CASP6: variants seen among roughly 807,000 people sequenced by gnomAD.
CASP6 encodes the protein caspase-6.
In CASP6, 20 loss-of-function variants were observed where a neutral mutation model predicts 31.8. The observed-to-expected ratio is 0.63, with a 90% CI of 0.44 to 0.91. The LOEUF (loss-of-function observed/expected upper bound fraction) is 0.91, where lower values mean the gene tolerates loss of function less well. Ranked by LOEUF, CASP6 falls within the 40% of genes least tolerant of loss-of-function variation. CASP6 has a pLI of 0.00. For missense variants in CASP6, 328 were observed against 361.1 expected, an observed-to-expected ratio of 0.91 and a Z score of 0.74; for synonymous variants, 130 against 127.8, an observed-to-expected ratio of 1.02 and a Z score of -0.12.
At chr4:109,687,555 T>C (rs528964008), downstream of CASP6, 10 of 1,612,856 alleles carry the variant, frequency 6.2e-6, no homozygotes, top group African/African-American at 1.3e-4. Context: ...TCTCTCTGTT[T>C]GCAAATGCAA....
At chr4:109,676,434 G>C in the CASP6 span, among the ~76,000 whole-genome samples, 2 of 152,134 alleles carry the variant, frequency 1.3e-5, no homozygotes, top group Non-Finnish European at 2.9e-5. Context: ...TTGAAATGAG[G>C]AATATCTTAC....
chr4:109,706,107 G>A (rs1423324189), upstream of CASP6, among the ~76,000 whole-genome samples: 1 of 102,486 alleles, frequency 9.8e-6, no homozygotes, highest in African/African-American at 3.8e-5. Context: ...GTATTTTACA[G>A]GCAGGACAAC....
intron 6 of CASP6, 99 bp from the exon 7 acceptor site, chr4:109,689,667 T>C: frequency 1.8e-6 from 2 of 1,096,038 alleles, no homozygotes; most frequent in South Asian, 1.5e-5. Flanking sequence ...TAAAAATCCT[T>C]AGAAGAGTCT....
intron 4 of CASP6, 46 bp downstream of exon 4, chr4:109,696,364 G>C: frequency 1.5e-6 from 2 of 1,344,678 alleles, no homozygotes; most frequent in Non-Finnish European, 2.1e-6. Flanking sequence ...TAAAGGACTC[G>C]GTTTCATTAG....
At chr4:109,692,656 C>T (rs1484958833) in intron 5 of CASP6, 2 of 152,146 alleles carry the variant, frequency 1.3e-5, no homozygotes, top group Non-Finnish European at 2.9e-5. Flanking sequence ...TTTTATGCTC[C>T]TTTTTCAGGC....
chr4:109,673,959 A>T, the CASP6 span: 2 of 832,828 alleles, frequency 2.4e-6, no homozygotes, highest in East Asian at 4.8e-5. Context: ...GTTTTGCAGC[A>T]GTTGTTGCAT....
the CASP6 span, chr4:109,674,078 T>C: frequency 6.9e-7 from 1 of 1,453,580 alleles, no homozygotes; most frequent in Middle Eastern, 2.4e-4. Context: ...ACTGTTGGTA[T>C]GGGCTATTCC....
At chr4:109,667,514 A>G in the CASP6 span, among the ~76,000 whole-genome samples, 772 of 148,026 alleles carry the variant, frequency 5.2e-3, 3 homozygotes, top group African/African-American at 0.018. Flanking sequence ...AATTTAATTG[A>G]TTTTTTCCAA....
chr4:109,698,627 C>T (rs1278627162), intron 1 of CASP6, among the ~76,000 whole-genome samples: 1 of 152,154 alleles, frequency 6.6e-6, no homozygotes, highest in Non-Finnish European at 1.5e-5. Context: ...CAAAATATGC[C>T]TAGAGTAACA....
the CASP6 span, among the ~76,000 whole-genome samples, chr4:109,667,096 C>T: frequency 6.6e-6 from 1 of 151,976 alleles, no homozygotes; most frequent in Non-Finnish European, 1.5e-5. Flanking sequence ...GTAATGCTGG[C>T]CTCATAGAAT....
chr4:109,696,364 GGTTTCATTAGAGGAAGAT>G, intron 4 of CASP6, 28 bp downstream of exon 4: 1 of 1,344,678 alleles, frequency 7.4e-7, no homozygotes, highest in Non-Finnish European at 1.1e-6. Flanking sequence ...TAAAGGACTC[GGTTTCATTAGAGGAAGAT>G]GAACTATATG....
In CASP6 at chr4:109,703,299, C is replaced by T; in HGVS notation, c.40+57G>A. 2.5e-6 allele frequency: 4 copies of T among 1,571,260 alleles called. No homozygotes were observed. The East Asian group carries it at 7.0e-5, about 27-fold the overall frequency. On this transcript the variant is annotated intron_variant, in intron 1 of 6. Transcript: ENST00000265164. Reference sequence around the variant, plus strand: ...CCCGGTCCACTAACCCTCGTTTCCCCTCCAGCCGGAGCAAGACGCAGACCT... The same window carrying T: ...CCCGGTCCACTAACCCTCGTTTCCCTTCCAGCCGGAGCAAGACGCAGACCT...
chr4:109,679,597 C>T, the CASP6 span, among the ~76,000 whole-genome samples: 3 of 152,144 alleles, frequency 2.0e-5, no homozygotes, highest in African/African-American at 4.8e-5. Context: ...AGTCCAGCCT[C>T]GGCAAGAGAG....
At chr4:109,697,133 C>T (rs1242897002) in intron 3 of CASP6, among the ~76,000 whole-genome samples, 1 of 151,978 alleles carries the variant, frequency 6.6e-6, no homozygotes. Flanking sequence ...AAGGCCCATG[C>T]TCCAACACTC....
intron 5 of CASP6, among the ~76,000 whole-genome samples, chr4:109,693,849 A>G (rs1242396781): frequency 6.6e-6 from 1 of 150,602 alleles, no homozygotes; most frequent in African/African-American, 2.4e-5. Flanking sequence ...AGCAATTCTC[A>G]TGCCTCAGCT....
intron 5 of CASP6, chr4:109,692,428 TAGAG>T (rs532307108): frequency 6.6e-6 from 1 of 152,208 alleles, no homozygotes; most frequent in Non-Finnish European, 1.5e-5. Flanking sequence ...ATCTAAGGCA[TAGAG>T]AGAGAAAGTA....
chr4:109,706,034 T>TATATATATATA (rs1257166772), upstream of CASP6, among the ~76,000 whole-genome samples: 3 of 89,280 alleles, frequency 3.4e-5, no homozygotes, highest in Non-Finnish European at 4.5e-5. Context: ...ATATATATAA[T>TATATATATATA]ATATATAAAA....
At chr4:109,678,513 G>T in the CASP6 span, among the ~76,000 whole-genome samples, 10 of 144,512 alleles carry the variant, frequency 6.9e-5, no homozygotes, top group East Asian at 1.9e-3. Flanking sequence ...TCCCAGATGG[G>T]GCGGTGGCCG....
At chr4:109,700,196 T>C (rs1730374524) in intron 1 of CASP6, among the ~76,000 whole-genome samples, 1 of 152,218 alleles carries the variant, frequency 6.6e-6, no homozygotes, top group Non-Finnish European at 1.5e-5. Context: ...AAAACTCTTG[T>C]TTCTCATATT....
Sources: allele counts gnomAD v4.1 joint callset (sites outside exome capture counted in the v4.1 genomes callset), GRCh38; gene constraint gnomAD v4.1.1; transcripts MANE v1.5; gene names NCBI Gene and HGNC (gene_info 2026-07-23, HGNC 2026-07-21).